KCTD8: variants seen among roughly 807,000 people sequenced by gnomAD.
The protein encoded by KCTD8 is BTB/POZ domain-containing protein KCTD8.
In KCTD8, 27 loss-of-function variants were observed where a neutral mutation model predicts 31.5. The observed-to-expected ratio is 0.86, with a 90% CI of 0.63 to 1.18. The LOEUF (loss-of-function observed/expected upper bound fraction) is 1.18. KCTD8 is among the 50% of genes most tolerant of loss of function. KCTD8 has a pLI of 0.00. For missense variants in KCTD8, 658 were observed against 647.7 expected, an observed-to-expected ratio of 1.02 and a Z score of -0.17; for synonymous variants, 290 against 280.0, an observed-to-expected ratio of 1.04 and a Z score of -0.36.
chr4:44,422,005 T>C (rs1721223817), intron 1 of KCTD8, among the ~76,000 whole-genome samples: 1 of 152,146 alleles, frequency 6.6e-6, no homozygotes, highest in Non-Finnish European at 1.5e-5. Flanking sequence ...ATACATGCCA[T>C]TCCTTCTTTC....
chr4:44,176,755 G>A (rs1047710205), intron 1 of KCTD8, among the ~76,000 whole-genome samples: 84 of 152,196 alleles, frequency 5.5e-4, no homozygotes, highest in African/African-American at 2.0e-3. Flanking sequence ...AGAACTGTAT[G>A]CCTTAAATGG....
chr4:44,231,914 A>C (rs1488902707), intron 1 of KCTD8, among the ~76,000 whole-genome samples: 2 of 152,116 alleles, frequency 1.3e-5, no homozygotes, highest in Admixed American at 6.5e-5. Flanking sequence ...CTACTCAAAA[A>C]CTCGAGGACC....
At chr4:44,339,384 A>G (rs1445558570) in intron 1 of KCTD8, among the ~76,000 whole-genome samples, 1 of 152,204 alleles carries the variant, frequency 6.6e-6, no homozygotes, top group African/African-American at 2.4e-5. Flanking sequence ...ACAACTTGAT[A>G]AAATTAAACC....
At chr4:44,185,747 C>CTT (rs759637393) in intron 1 of KCTD8, among the ~76,000 whole-genome samples, 4,557 of 145,122 alleles carry the variant, frequency 0.031, 134 homozygotes, top group Non-Finnish European at 0.045. Context: ...TGATTTCCTG[C>CTT]TTTTTTTTTT....
At chr4:44,277,699 A>G (rs1468246282) in intron 1 of KCTD8, among the ~76,000 whole-genome samples, 2 of 151,908 alleles carry the variant, frequency 1.3e-5, no homozygotes, top group East Asian at 3.9e-4. Flanking sequence ...ACTTACATAA[A>G]TGTTTCCTAA....
chr4:44,272,697 A>G (rs62304820), intron 1 of KCTD8, among the ~76,000 whole-genome samples: 18,827 of 151,994 alleles, frequency 0.12, 1,415 homozygotes, highest in East Asian at 0.24. Flanking sequence ...GATTCAACAG[A>G]TCTATTTTTA....
chr4:44,246,531 A>G (rs1372546279), intron 1 of KCTD8, among the ~76,000 whole-genome samples: 1 of 152,080 alleles, frequency 6.6e-6, no homozygotes, highest in African/African-American at 2.4e-5. Flanking sequence ...TTTCGGAGGA[A>G]GTAGGTTTAA....
chr4:44,278,225 A>T (rs1446344750), intron 1 of KCTD8, among the ~76,000 whole-genome samples: 1 of 152,022 alleles, frequency 6.6e-6, no homozygotes, highest in Non-Finnish European at 1.5e-5. Context: ...ATCCAAATAT[A>T]TAGTAACTAT....
intron 1 of KCTD8, among the ~76,000 whole-genome samples, chr4:44,289,660 AC>A (rs2109384216): frequency 6.6e-6 from 1 of 152,188 alleles, no homozygotes; most frequent in African/African-American, 2.4e-5. Context: ...AGATCCCACA[AC>A]CCCCATAGAC....
chr4:44,392,226 A>T (rs748986294), intron 1 of KCTD8, among the ~76,000 whole-genome samples: 1 of 151,960 alleles, frequency 6.6e-6, no homozygotes, highest in South Asian at 2.1e-4. Context: ...CTTTAAGTTG[A>T]TCCCTAAGAA....
chr4:44,319,686 A>C (rs1718237966), intron 1 of KCTD8, among the ~76,000 whole-genome samples: 1 of 152,180 alleles, frequency 6.6e-6, no homozygotes. Flanking sequence ...AAAGGAAAGA[A>C]AAGAATCTGG....
At chr4:44,412,255 A>G (rs1186901255) in intron 1 of KCTD8, among the ~76,000 whole-genome samples, 1 of 152,174 alleles carries the variant, frequency 6.6e-6, no homozygotes, top group Non-Finnish European at 1.5e-5. Flanking sequence ...CAGAGCTACC[A>G]GCTCTAACCT....
chr4:44,413,733 C>T (rs900413665), intron 1 of KCTD8, among the ~76,000 whole-genome samples: 1 of 151,620 alleles, frequency 6.6e-6, no homozygotes, highest in Non-Finnish European at 1.5e-5. Context: ...AGATGTTCAC[C>T]CCCAATTCCT....
chr4:44,286,551 ACAGATAAGAAAGCC>A (rs1412757939), intron 1 of KCTD8, among the ~76,000 whole-genome samples: 1 of 152,112 alleles, frequency 6.6e-6, no homozygotes, highest in East Asian at 1.9e-4. Flanking sequence ...TAGTCTCCTA[ACAGATAAGAAAGCC>A]CAATGTAGCT....
chr4:44,295,262 C>G (rs1717394546), intron 1 of KCTD8, among the ~76,000 whole-genome samples: 1 of 152,096 alleles, frequency 6.6e-6, no homozygotes, highest in Admixed American at 6.5e-5. Context: ...TGCCACTGCA[C>G]TCCAGCCCAG....
In KCTD8 at chr4:44,225,424, G is replaced by A. The variant is rs113279436; in HGVS notation, c.962-50174C>T. Among the ~76,000 whole-genome samples the A allele has an allele frequency of 7.1e-3, 1,074 of 152,248 alleles. 11 individuals carry two copies. The highest frequency in any genetic ancestry group is 0.025 in the African/African-American group (1,023 of 41,546). ...AGTTATGTCTATTCAATTACATATTGTTTATGACTACTTTCATACTACAAA... is the reference window on the plus strand; with the variant it reads ...AGTTATGTCTATTCAATTACATATTATTTATGACTACTTTCATACTACAAA... On this transcript the variant is annotated intron_variant, in intron 1 of 1. Transcript: ENST00000360029.
intron 1 of KCTD8, among the ~76,000 whole-genome samples, chr4:44,400,836 A>C (rs1483468077): frequency 6.6e-6 from 1 of 151,532 alleles, no homozygotes; most frequent in Non-Finnish European, 1.5e-5. Context: ...TGAATTTCAT[A>C]ATTTAAAGTA....
intron 1 of KCTD8, among the ~76,000 whole-genome samples, chr4:44,214,011 T>C (rs1253581807): frequency 2.0e-5 from 3 of 152,224 alleles, no homozygotes; most frequent in Admixed American, 1.3e-4. Flanking sequence ...GGGTCTTTTA[T>C]ATGCCTAACA....
chr4:44,299,772 C>CTTTT (rs576621306), intron 1 of KCTD8, among the ~76,000 whole-genome samples: 1 of 134,558 alleles, frequency 7.4e-6, no homozygotes, highest in Non-Finnish European at 1.6e-5. Context: ...TTTTCCTTTT[C>CTTTT]TTTTTTTTTT....
Sources: gnomAD v4.1 joint callset for allele counts (sites outside exome capture counted in the v4.1 genomes callset) on GRCh38, gnomAD v4.1.1 for gene constraint, MANE v1.5 for transcripts, NCBI Gene and HGNC (gene_info 2026-07-23, HGNC 2026-07-21) for gene names.